The following CAT variants were observed in gnomAD, a reference collection of about 807,000 sequenced individuals.
The protein encoded by CAT is epididymis secretory sperm binding protein.
In CAT, 43 loss-of-function variants were observed where a neutral mutation model predicts 59.0. The observed-to-expected ratio is 0.73, with a 90% CI of 0.57 to 0.94. The LOEUF (loss-of-function observed/expected upper bound fraction) is 0.94, where lower values mean the gene tolerates loss of function less well. Ranked by LOEUF, CAT falls within the 40% of genes least tolerant of loss-of-function variation. The pLI, the probability that CAT is intolerant of heterozygous loss-of-function variation, is 0.00. For missense variants in CAT, 664 were observed against 682.9 expected, an observed-to-expected ratio of 0.97 and a Z score of 0.31; for synonymous variants, 218 against 230.9, an observed-to-expected ratio of 0.94 and a Z score of 0.51.
In CAT at chr11:34,453,155, C is replaced by G. The variant is rs762224958; in HGVS notation, c.546C>G (p.Val182=). 51 of 1,613,286 alleles carry G rather than the reference C, an allele frequency of 3.2e-5. No homozygotes were observed. The highest frequency in any genetic ancestry group is 4.1e-5 in the Non-Finnish European group (48 of 1,179,360). ...CACATCTGAAGGATCCGGACATGGT[C>G]TGGGACTTCTGGAGCCTACGTCCTG... ...PQTHLKDPDM[V]WDFWSLRPES... The change falls in exon 5 of 13, where the codon GTC becomes GTG. Residue 182 remains valine (V), a synonymous_variant. Coordinates refer to ENST00000241052, the MANE Select transcript of CAT (RefSeq NM_001752.4).
intron 9 of CAT, among the ~76,000 whole-genome samples, chr11:34,463,046 A>T (rs1856668321): frequency 6.6e-6 from 1 of 152,164 alleles, no homozygotes; most frequent in South Asian, 2.1e-4. Flanking sequence ...TGAATGTCAT[A>T]CATAGGCACC....
At chr11:34,441,309 G>A (rs1856386869) in intron 1 of CAT, among the ~76,000 whole-genome samples, 1 of 152,060 alleles carries the variant, frequency 6.6e-6, no homozygotes, top group Non-Finnish European at 1.5e-5. Context: ...GATTCTACAA[G>A]GAACATTTTG....
chr11:34,446,503 T>G (rs184228964), intron 1 of CAT, among the ~76,000 whole-genome samples: 1 of 152,330 alleles, frequency 6.6e-6, no homozygotes, highest in African/African-American at 2.4e-5. Context: ...GCTTTAGTAC[T>G]TTATTCATTT....
intron 8 of CAT, among the ~76,000 whole-genome samples, chr11:34,457,523 G>A (rs1045225715): frequency 2.0e-5 from 3 of 152,042 alleles, no homozygotes; most frequent in Non-Finnish European, 4.4e-5. Flanking sequence ...CTGTTTCATG[G>A]TGATGCTTGA....
Position 34,453,079 on chromosome 11 carries a change from T to C in CAT, c.481-11T>C, listed in dbSNP as rs1856546580. ...AGTTTTTGGATTTTTTTCTCTCTTT[T>C]TTCTATTTAGTTTCCATCTTTTATC... On this transcript the variant is annotated splice_polypyrimidine_tract_variant and intron_variant, in intron 4 of 12. Coordinates refer to ENST00000241052, the MANE Select transcript of CAT (RefSeq NM_001752.4). 1.9e-6 allele frequency: 3 copies of C among 1,569,472 alleles called. No individual in the cohort carries two copies. In the East Asian group the frequency reaches 6.7e-5, roughly 35 times the overall value.
intron 8 of CAT, chr11:34,457,090 CATAAT>C: frequency 2.3e-6 from 1 of 444,356 alleles, no homozygotes; most frequent in Non-Finnish European, 4.1e-6. Context: ...AAAAAAAAGA[CATAAT>C]AGAAATACCT....
chr11:34,449,327 A>C lies in CAT; in HGVS notation c.202A>C (p.Arg68=), dbSNP rs1590300825. The part of the protein sequence containing the change: ...TDEMAHFDRE[R]IPERVVHAKG... The stretch of plus-strand genomic sequence containing the variant: ...TGAAATGGCTCATTTTGACCGAGAG[A>C]GAATTCCTGAGAGAGTTGTGCATGC... Residue 68 remains arginine (R), a synonymous_variant, in exon 2 of 13, where the codon AGA becomes CGA. Transcript: ENST00000241052. 1 of 1,614,134 alleles carries C rather than the reference A, an allele frequency of 6.2e-7. No individual in the cohort carries two copies. Among genetic ancestry groups the C allele is most frequent in the Non-Finnish European group, 8.5e-7 (1 of 1,179,992 alleles).
intron 8 of CAT, chr11:34,460,997 A>T (rs1856643042): frequency 3.7e-6 from 2 of 537,794 alleles, no homozygotes; most frequent in South Asian, 4.1e-5. Flanking sequence ...GGAAAAAAAA[A>T]AGATATTATT....
At chr11:34,446,543 G>A (rs1856457186) in intron 1 of CAT, among the ~76,000 whole-genome samples, 1 of 152,146 alleles carries the variant, frequency 6.6e-6, no homozygotes, top group South Asian at 2.1e-4. Context: ...GCCTTTGGGT[G>A]TGGTATTTAT....
In CAT at chr11:34,452,117, T is replaced by G. The variant is rs1590302154; in HGVS notation, c.390T>G (p.Arg130=). 1.2e-6 allele frequency: 2 copies of G among 1,613,844 alleles called. No individual in the cohort carries two copies. The highest frequency in any genetic ancestry group is 1.7e-6 in the Non-Finnish European group (2 of 1,179,808). ...CAGCTGACACAGTTCGGGACCCTCG[T>G]GGGTTTGCAGTGAAATTTTACACAG... ...SGSADTVRDP[R]GFAVKFYTED... is the part of the protein sequence containing the mutation. Residue 130 remains arginine, a synonymous_variant, in exon 4 of 13, where the codon CGT becomes CGG. Transcript: ENST00000241052.
Position 34,453,073 on chromosome 11 carries a change from C to T in CAT, c.481-17C>T, listed in dbSNP as rs1222458366. On this transcript the variant is annotated splice_polypyrimidine_tract_variant and intron_variant, in intron 4 of 12. Coordinates refer to ENST00000241052, the MANE Select transcript of CAT (RefSeq NM_001752.4). ...AAACTTAGTTTTTGGATTTTTTTCT[C>T]TCTTTTTTCTATTTAGTTTCCATCT... 2.0e-6 allele frequency: 3 copies of T among 1,537,860 alleles called. No individual in the cohort carries two copies. Among genetic ancestry groups the T allele is most frequent in the African/African-American group, 1.4e-5 (1 of 73,370 alleles).
intron 1 of CAT, among the ~76,000 whole-genome samples, chr11:34,440,552 T>TTTTTC (rs1200716912): frequency 2.0e-5 from 3 of 152,052 alleles, no homozygotes; most frequent in Admixed American, 6.5e-5. Context: ...TTTCTTTTTC[T>TTTTTC]TTTTCTTTTC....
intron 11 of CAT, among the ~76,000 whole-genome samples, chr11:34,469,027 A>G (rs1856748313): frequency 6.6e-6 from 1 of 152,258 alleles, no homozygotes; most frequent in Non-Finnish European, 1.5e-5. Context: ...TAAGAACTGC[A>G]ATGCTTCCAA....
At chr11:34,440,706 GT>G (rs1245047160) in intron 1 of CAT, among the ~76,000 whole-genome samples, 1 of 151,882 alleles carries the variant, frequency 6.6e-6, no homozygotes, top group Admixed American at 6.6e-5. Flanking sequence ...GGGATTACAG[GT>G]GTCCACCACC....
chr11:34,466,050 A>G (rs1431490939), intron 10 of CAT, among the ~76,000 whole-genome samples: 1 of 152,216 alleles, frequency 6.6e-6, no homozygotes, highest in Non-Finnish European at 1.5e-5. Flanking sequence ...AGGGACAAAA[A>G]TTGGAATTCA....
chr11:34,440,176 C>T (rs1856371584), intron 1 of CAT, among the ~76,000 whole-genome samples: 1 of 152,206 alleles, frequency 6.6e-6, no homozygotes, highest in Non-Finnish European at 1.5e-5. Flanking sequence ...TTGCTCAAAA[C>T]TCAGGTTCGT....
At chr11:34,439,818 C>A (rs1856365409) in intron 1 of CAT, among the ~76,000 whole-genome samples, 1 of 152,208 alleles carries the variant, frequency 6.6e-6, no homozygotes, top group African/African-American at 2.4e-5. Context: ...GACACATAAA[C>A]AGATGATTAC....
chr11:34,439,912 A>G (rs1283712680), intron 1 of CAT, among the ~76,000 whole-genome samples: 1 of 152,212 alleles, frequency 6.6e-6, no homozygotes, highest in African/African-American at 2.4e-5. Context: ...AGCAGGTGAC[A>G]TTTGAACAGG....
chr11:34,439,334 C>T (rs1195275612), intron 1 of CAT, among the ~76,000 whole-genome samples: 2 of 152,166 alleles, frequency 1.3e-5, no homozygotes, highest in East Asian at 1.9e-4. Flanking sequence ...GAATTTTGCA[C>T]TTTTGCCAAC....
Sources: gnomAD v4.1 joint callset for allele counts (sites outside exome capture counted in the v4.1 genomes callset) on GRCh38, gnomAD v4.1.1 for gene constraint, MANE v1.5 for transcripts, NCBI Gene and HGNC (gene_info 2026-07-23, HGNC 2026-07-21) for gene names.